The following TUBA1C variants were observed in gnomAD, a reference collection of about 807,000 sequenced individuals.
The protein encoded by TUBA1C is tubulin alpha-1C chain.
TUBA1C carries 16 observed loss-of-function variants against 34.9 expected under a neutral mutation model. That is an observed-to-expected ratio of 0.46 (90% CI 0.31 to 0.70). The LOEUF is 0.70. TUBA1C is among the 30% of genes least tolerant of loss of function. The probability of loss-of-function intolerance (pLI) is 0.05; values close to 1 mark genes in which losing one functional copy is unlikely to be tolerated. For missense variants in TUBA1C, 329 were observed against 587.3 expected, an observed-to-expected ratio of 0.56 and a Z score of 4.55; for synonymous variants, 177 against 215.9, an observed-to-expected ratio of 0.82 and a Z score of 1.58.
chr12:49,257,052 C>T (rs1462770782), intron 1 of TUBA1C, among the ~76,000 whole-genome samples: 2 of 150,972 alleles, frequency 1.3e-5, no homozygotes, highest in African/African-American at 2.4e-5. Flanking sequence ...TGGTGGTGGG[C>T]GCCTATAATC....
intron 1 of TUBA1C, among the ~76,000 whole-genome samples, chr12:49,239,357 T>C (rs771563436): frequency 3.3e-5 from 5 of 151,854 alleles, no homozygotes; most frequent in Non-Finnish European, 7.4e-5. Flanking sequence ...ATTTGTAGAG[T>C]TGGCCGCGTG....
At chr12:49,242,865 G>A (rs983695916) in intron 1 of TUBA1C, among the ~76,000 whole-genome samples, 3 of 151,862 alleles carry the variant, frequency 2.0e-5, no homozygotes, top group Non-Finnish European at 2.9e-5. Context: ...GTGCAATGGT[G>A]TGATCTCAGC....
intron 1 of TUBA1C, among the ~76,000 whole-genome samples, chr12:49,254,877 A>T (rs1312782207): frequency 6.6e-6 from 1 of 152,138 alleles, no homozygotes; most frequent in East Asian, 1.9e-4. Context: ...AGATGCTCCC[A>T]TCACCCAGGA....
At position 49,247,949 on chromosome 12, in the gene TUBA1C, A is replaced by AC. The variant is rs1262221434; in HGVS notation, c.213+19783_213+19784insC. Among the ~76,000 whole-genome samples the AC allele has an allele frequency of 2.2e-5, 3 of 136,302 alleles. No homozygotes were observed. The East Asian group carries it at 6.0e-4, about 27-fold the overall frequency. 89.4% of individuals were successfully genotyped at this position (136,302 alleles called of 152,430 possible). ...GGCGATAGAACGAGATTCCGTCTCA[A>AC]AAAAAAAAAAAAAAGAGAGAAAGAA... On this transcript the variant is annotated intron_variant, in intron 1 of 3. Transcript: ENST00000541364.
At chr12:49,237,945 C>T (rs770012330) in intron 1 of TUBA1C, among the ~76,000 whole-genome samples, 5 of 151,668 alleles carry the variant, frequency 3.3e-5, no homozygotes, top group African/African-American at 1.2e-4. Context: ...CTCGTCTCTA[C>T]TAAAAATCCT....
intron 1 of TUBA1C, among the ~76,000 whole-genome samples, chr12:49,254,823 T>C (rs1219436437): frequency 6.6e-6 from 1 of 152,146 alleles, no homozygotes; most frequent in Admixed American, 6.6e-5. Context: ...GACCCTATCC[T>C]GAAGCTATCC....
chr12:49,265,474 T>A (rs1942894921), intron 1 of TUBA1C, among the ~76,000 whole-genome samples: 1 of 152,198 alleles, frequency 6.6e-6, no homozygotes, highest in African/African-American at 2.4e-5. Flanking sequence ...GGGAGGAAGG[T>A]CAGGGAGCCT....
At chr12:49,230,492 T>A (rs1942485597) in intron 1 of TUBA1C, among the ~76,000 whole-genome samples, 1 of 152,174 alleles carries the variant, frequency 6.6e-6, no homozygotes, top group South Asian at 2.1e-4. Flanking sequence ...CCAGCTGTTC[T>A]CCAGACATTT....
intron 1 of TUBA1C, among the ~76,000 whole-genome samples, chr12:49,268,021 C>T (rs1051316893): frequency 2.0e-5 from 3 of 152,142 alleles, no homozygotes; most frequent in African/African-American, 7.2e-5. Context: ...TAATTTCTAA[C>T]CATATTCTGC....
At chr12:49,258,459 G>T (rs780524525) in intron 1 of TUBA1C, among the ~76,000 whole-genome samples, 1 of 151,598 alleles carries the variant, frequency 6.6e-6, no homozygotes, top group Middle Eastern at 3.2e-3. Flanking sequence ...AGACAGTCTC[G>T]CTCTATTGCC....
chr12:49,258,186 CTAAAGT>C (rs1942804549), intron 1 of TUBA1C, among the ~76,000 whole-genome samples: 2 of 151,852 alleles, frequency 1.3e-5, no homozygotes, highest in African/African-American at 2.4e-5. Context: ...CTACAGTAAG[CTAAAGT>C]TAATTTATCA....
Position 49,269,454 on chromosome 12 carries a change from TCCTC to T in TUBA1C, c.4-8_4-5del, listed in dbSNP as rs1486784222. The T allele has an allele frequency of 3.1e-6, 5 of 1,614,004 alleles. No individual in the cohort carries two copies. The Admixed American group carries it at 6.7e-5, about 22-fold the overall frequency. ...ATTATACCCTGACATTTTCCTTTCT[TCCTC>T]CCACAGCGTGAGTGCATCTCCATCC... On this transcript the variant is annotated splice_polypyrimidine_tract_variant and splice_region_variant and intron_variant, in intron 1 of 3. Transcript: ENST00000301072.
intron 1 of TUBA1C, among the ~76,000 whole-genome samples, chr12:49,245,161 C>T (rs1211944007): frequency 2.0e-5 from 3 of 152,112 alleles, no homozygotes; most frequent in Non-Finnish European, 4.4e-5. Flanking sequence ...TTATTCATCA[C>T]TTGTTTATTG....
rs1424955710 is a variant in TUBA1C at position 49,267,590 on chromosome 12, CG to C, written c.4-1873del. ...AGGAAAATCGCTTGAACCTGGAAGG[CG>C]GAGTTTCCACTGCACTCCAGCCTGG... On this transcript the variant is annotated intron_variant, in intron 1 of 3. Transcript: ENST00000301072. Among the ~76,000 whole-genome samples, 10 of 152,130 alleles carry C rather than the reference CG, an allele frequency of 6.6e-5. No homozygotes were observed. In the East Asian group the frequency reaches 1.9e-3, roughly 29 times the overall value.
At chr12:49,232,247 T>A (rs1942505532) in intron 1 of TUBA1C, among the ~76,000 whole-genome samples, 1 of 152,218 alleles carries the variant, frequency 6.6e-6, no homozygotes, top group Non-Finnish European at 1.5e-5. Context: ...TTTTTGCGGA[T>A]AAATTCCCCG....
chr12:49,231,242 A>G (rs1022836156), intron 1 of TUBA1C, among the ~76,000 whole-genome samples: 3 of 152,186 alleles, frequency 2.0e-5, no homozygotes, highest in Admixed American at 2.0e-4. Context: ...ATAGCTCACT[A>G]CAGCCTTAAA....
chr12:49,235,732 CAAA>C (rs567880656), intron 1 of TUBA1C, among the ~76,000 whole-genome samples: 5 of 67,218 alleles, frequency 7.4e-5, no homozygotes, highest in Non-Finnish European at 1.3e-4. Context: ...GACTCGGTCT[CAAA>C]AAAAAAAAAA....
chr12:49,234,797 T>C (rs759574844), intron 1 of TUBA1C, among the ~76,000 whole-genome samples: 7 of 152,242 alleles, frequency 4.6e-5, no homozygotes, highest in Non-Finnish European at 1.0e-4. Flanking sequence ...CTTGGGTCTT[T>C]TGGAAGAGTG....
upstream of TUBA1C, among the ~76,000 whole-genome samples, chr12:49,262,374 C>CA (rs1348072255): frequency 2.3e-5 from 3 of 128,230 alleles, no homozygotes; most frequent in Non-Finnish European, 4.6e-5. Context: ...GCACTCCATC[C>CA]AGGGTGACAG....
Sources: allele counts gnomAD v4.1 joint callset (sites outside exome capture counted in the v4.1 genomes callset), GRCh38; gene constraint gnomAD v4.1.1; transcripts MANE v1.5; gene names NCBI Gene and HGNC (gene_info 2026-07-23, HGNC 2026-07-21).